The following DEPDC1B variants were observed in gnomAD, a reference collection of about 807,000 sequenced individuals.
DEPDC1B encodes DEP domain-containing protein 1B.
In DEPDC1B, 51 loss-of-function variants were observed where a neutral mutation model predicts 66.5. That is an observed-to-expected ratio of 0.77 (90% CI 0.61 to 0.97). DEPDC1B has a LOEUF of 0.97. Among genes scored for constraint, DEPDC1B ranks in the 50% least tolerant of loss-of-function variants. The pLI is 0.00. For synonymous variants in DEPDC1B, 226 were observed against 223.6 expected, an observed-to-expected ratio of 1.01 and a Z score of -0.10; for missense variants, 552 against 637.1, an observed-to-expected ratio of 0.87 and a Z score of 1.44.
At chr5:60,671,959 T>G (rs1754049877) in intron 2 of DEPDC1B, among the ~76,000 whole-genome samples, 1 of 152,144 alleles carries the variant, frequency 6.6e-6, no homozygotes, top group Non-Finnish European at 1.5e-5. Context: ...ACCACTTGCT[T>G]TATTAGATGT....
At chr5:60,615,134 T>G (rs1392267006) in intron 7 of DEPDC1B, among the ~76,000 whole-genome samples, 1 of 152,124 alleles carries the variant, frequency 6.6e-6, no homozygotes, top group African/African-American at 2.4e-5. Flanking sequence ...ATCAAAGGCA[T>G]CCCAAGTTTA....
intron 6 of DEPDC1B, among the ~76,000 whole-genome samples, chr5:60,640,407 A>C (rs2111859150): frequency 6.6e-6 from 1 of 152,338 alleles, no homozygotes; most frequent in Admixed American, 6.5e-5. Context: ...TCCCTAAAAA[A>C]AATCAGTGCA....
intron 9 of DEPDC1B, among the ~76,000 whole-genome samples, chr5:60,600,328 A>T (rs951849971): frequency 7.2e-5 from 11 of 152,206 alleles, no homozygotes; most frequent in Middle Eastern, 3.2e-3. Flanking sequence ...AACATACATT[A>T]AAAATATTTA....
chr5:60,604,987 CA>C (rs1301817794), intron 8 of DEPDC1B, among the ~76,000 whole-genome samples: 4 of 152,154 alleles, frequency 2.6e-5, no homozygotes. Context: ...GGTGTTTTAA[CA>C]GGATATGGAA....
At chr5:60,672,310 T>C (rs1016142071) in intron 2 of DEPDC1B, among the ~76,000 whole-genome samples, 3 of 152,206 alleles carry the variant, frequency 2.0e-5, no homozygotes, top group African/African-American at 4.8e-5. Context: ...TATAAAGAAC[T>C]ACCTGAGACT....
intron 1 of DEPDC1B, among the ~76,000 whole-genome samples, chr5:60,689,471 A>G (rs1034660303): frequency 2.6e-5 from 4 of 152,230 alleles, no homozygotes; most frequent in African/African-American, 9.6e-5. Context: ...AATTTACTCA[A>G]ATCTACCCAG....
intron 2 of DEPDC1B, among the ~76,000 whole-genome samples, chr5:60,667,540 T>TAAAAAATGGATATTCTACATATATAA (rs1753875774): frequency 9.0e-6 from 1 of 110,556 alleles, no homozygotes; most frequent in Admixed American, 1.0e-4. Flanking sequence ...TACATATATA[T>TAAAAAATGGATATTCTACATATATAA]AAAAAATGGA....
At chr5:60,668,711 C>T (rs1016682545) in intron 2 of DEPDC1B, among the ~76,000 whole-genome samples, 2 of 152,178 alleles carry the variant, frequency 1.3e-5, no homozygotes, top group Non-Finnish European at 2.9e-5. Flanking sequence ...TCAACCTCAT[C>T]AGTAATCAAG....
intron 1 of DEPDC1B, among the ~76,000 whole-genome samples, chr5:60,692,751 A>T (rs1410912501): frequency 2.0e-5 from 3 of 152,178 alleles, no homozygotes; most frequent in African/African-American, 7.2e-5. Flanking sequence ...AATAGGCAGA[A>T]ACAACCCAAA....
chr5:60,627,109 A>G (rs1292393657), intron 7 of DEPDC1B, among the ~76,000 whole-genome samples: 1 of 152,138 alleles, frequency 6.6e-6, no homozygotes, highest in Non-Finnish European at 1.5e-5. Flanking sequence ...TTTGTTTTCC[A>G]TGATTCAAAT....
chr5:60,639,542 A>G (rs1057099385), intron 6 of DEPDC1B, among the ~76,000 whole-genome samples: 1 of 152,252 alleles, frequency 6.6e-6, no homozygotes, highest in African/African-American at 2.4e-5. Flanking sequence ...AAGCAAAGTC[A>G]TACTGCAAAG....
rs975061949 is a variant in DEPDC1B at position 60,597,526 on chromosome 5, T to C, written c.*227A>G. 8 of 442,500 alleles carry C rather than the reference T, an allele frequency of 1.8e-5. No homozygotes were observed. In the South Asian group the frequency reaches 2.4e-4, roughly 13 times the overall value. 27.4% of individuals were successfully genotyped at this position (442,500 alleles called of 1,614,324 possible). On this transcript the variant is annotated 3_prime_UTR_variant, in exon 11 of 11. Transcript: ENST00000265036. ...CAAACATGTTAACATTATCACTATA[T>C]ATTTGACTCATAAATTTTAACCAAT...
chr5:60,598,043 A>G, intron 10 of DEPDC1B, 129 bp from the exon 11 acceptor site: 3 of 775,584 alleles, frequency 3.9e-6, no homozygotes, highest in Admixed American at 3.7e-5. Flanking sequence ...AAAACATTTC[A>G]TTCCAATTTC....
chr5:60,690,440 A>G (rs1464941847), intron 1 of DEPDC1B, among the ~76,000 whole-genome samples: 2 of 152,218 alleles, frequency 1.3e-5, no homozygotes, highest in Non-Finnish European at 2.9e-5. Flanking sequence ...CAAACTTAAA[A>G]ATAAAGGAAA....
At chr5:60,616,539 T>C (rs1259129312) in intron 7 of DEPDC1B, among the ~76,000 whole-genome samples, 1 of 152,140 alleles carries the variant, frequency 6.6e-6, no homozygotes, top group Non-Finnish European at 1.5e-5. Flanking sequence ...AGGAAGGGTA[T>C]CAGTGATGGA....
At chr5:60,613,788 T>TTTTG (rs1554051073) in intron 7 of DEPDC1B, among the ~76,000 whole-genome samples, 10 of 103,318 alleles carry the variant, frequency 9.7e-5, no homozygotes, top group Non-Finnish European at 1.8e-4. Context: ...ACATATGTAT[T>TTTTG]TGTGTGTGTG....
At chr5:60,675,747 A>G (rs779490069) in intron 2 of DEPDC1B, among the ~76,000 whole-genome samples, 4 of 152,074 alleles carry the variant, frequency 2.6e-5, no homozygotes, top group Non-Finnish European at 5.9e-5. Flanking sequence ...ATTCTCATCT[A>G]GGCAATATCG....
intron 7 of DEPDC1B, among the ~76,000 whole-genome samples, chr5:60,634,248 A>C (rs1163944583): frequency 6.6e-6 from 1 of 152,206 alleles, no homozygotes; most frequent in Non-Finnish European, 1.5e-5. Flanking sequence ...CAAAGAACCC[A>C]CTGTCTTATC....
At chr5:60,677,326 ACTCTCTCTCTC>A (rs1375990969) in intron 2 of DEPDC1B, among the ~76,000 whole-genome samples, 2 of 108,564 alleles carry the variant, frequency 1.8e-5, no homozygotes, top group African/African-American at 4.0e-5. Flanking sequence ...ACACACACAC[ACTCTCTCTCTC>A]TCTCTCTCTC....
Sources: allele counts gnomAD v4.1 joint callset (sites outside exome capture counted in the v4.1 genomes callset), GRCh38; gene constraint gnomAD v4.1.1; transcripts MANE v1.5; gene names NCBI Gene and HGNC (gene_info 2026-07-23, HGNC 2026-07-21).